Variants in KIFAP3 observed in about 807,000 individuals in gnomAD.
KIFAP3 encodes kinesin-associated protein 3.
KIFAP3 carries 68 observed loss-of-function variants against 106.5 expected under a neutral mutation model. That is an observed-to-expected ratio of 0.64 (90% confidence interval 0.53 to 0.78). The LOEUF (loss-of-function observed/expected upper bound fraction) is 0.78. Among genes scored for constraint, KIFAP3 ranks in the 30% least tolerant of loss-of-function variants. KIFAP3 has a pLI of 0.00. For synonymous variants in KIFAP3, 320 were observed against 311.5 expected, an observed-to-expected ratio of 1.03 and a Z score of -0.29; for missense variants, 780 against 941.8, an observed-to-expected ratio of 0.83 and a Z score of 2.25.
chr1:169,927,676 CAAGT>C (rs1021005684), intron 19 of KIFAP3, among the ~76,000 whole-genome samples: 27 of 152,156 alleles, frequency 1.8e-4, no homozygotes, highest in African/African-American at 6.0e-4. Flanking sequence ...TCTTAAAAGT[CAAGT>C]AAGATCTCAC....
intron 11 of KIFAP3, among the ~76,000 whole-genome samples, chr1:169,986,028 T>C (rs917180155): frequency 1.3e-5 from 2 of 151,904 alleles, no homozygotes; most frequent in African/African-American, 4.8e-5. Context: ...TAACAACAAA[T>C]AGAAGTTATT....
intron 19 of KIFAP3, among the ~76,000 whole-genome samples, chr1:169,933,873 T>A (rs1307567855): frequency 6.6e-6 from 1 of 152,142 alleles, no homozygotes; most frequent in African/African-American, 2.4e-5. Context: ...CTAGAATATC[T>A]GAATGGGATT....
In KIFAP3 at chr1:169,980,970, G is replaced by A. The variant is rs1335008788; in HGVS notation, c.1798+1002C>T. Reference sequence around the variant, plus strand: ...TACAAAATTAGCTGGGTGTGGTGGCGCATGCCTGTAATCCCAGCTACTCAG... The same window carrying A: ...TACAAAATTAGCTGGGTGTGGTGGCACATGCCTGTAATCCCAGCTACTCAG... On this transcript the variant is annotated intron_variant, in intron 15 of 19. Transcript: ENST00000361580. 5.9e-5 allele frequency among the ~76,000 whole-genome samples: 9 copies of A among 152,134 alleles called. No homozygotes were observed. In the South Asian group the frequency reaches 1.0e-3, roughly 18 times the overall value.
At chr1:170,055,238 T>C (rs1036310613) in intron 2 of KIFAP3, 67 bp downstream of exon 2, 1 of 1,391,760 alleles carries the variant, frequency 7.2e-7, no homozygotes, top group Non-Finnish European at 9.8e-7. Flanking sequence ...ATCAAAATAA[T>C]ATCAGATTTG....
intron 19 of KIFAP3, among the ~76,000 whole-genome samples, chr1:169,929,350 TATAA>T (rs1663330607): frequency 6.6e-6 from 1 of 152,186 alleles, no homozygotes; most frequent in Non-Finnish European, 1.5e-5. Flanking sequence ...GAAAAGAGGT[TATAA>T]GAAAAGATGC....
At chr1:170,063,401 A>C (rs1017817555) in intron 1 of KIFAP3, among the ~76,000 whole-genome samples, 1 of 152,212 alleles carries the variant, frequency 6.6e-6, no homozygotes, top group Non-Finnish European at 1.5e-5. Flanking sequence ...GAACTGACTC[A>C]GCACAAGAAG....
intron 10 of KIFAP3, 125 bp downstream of exon 10, chr1:170,016,337 T>C: frequency 1.5e-6 from 1 of 687,184 alleles, no homozygotes; most frequent in South Asian, 2.0e-5. Flanking sequence ...TTTTATTATT[T>C]AGTTTCCAGT....
intron 1 of KIFAP3, 146 bp downstream of exon 1, chr1:170,074,290 T>C: frequency 2.1e-6 from 2 of 969,492 alleles, no homozygotes; most frequent in Non-Finnish European, 1.6e-6. Flanking sequence ...CCACTTCACC[T>C]TTTCCCTCTC....
intron 3 of KIFAP3, among the ~76,000 whole-genome samples, chr1:170,041,179 A>G (rs1336652816): frequency 6.6e-6 from 1 of 152,208 alleles, no homozygotes; most frequent in Non-Finnish European, 1.5e-5. Context: ...ATATATTTTG[A>G]TCATCTATGT....
intron 1 of KIFAP3, among the ~76,000 whole-genome samples, chr1:170,069,978 T>C (rs943322287): frequency 5.9e-5 from 9 of 152,090 alleles, no homozygotes; most frequent in Non-Finnish European, 1.0e-4. Flanking sequence ...AGTTGGAGAA[T>C]AGATCAGAAC....
Position 169,972,548 on chromosome 1 carries a change from G to A in KIFAP3, c.1948C>T (p.Arg650Ter), listed in dbSNP as rs868823190. Residue 650 changes from arginine to a stop codon, truncating the protein, a stop_gained, in exon 17 of 20, where the codon CGA becomes TGA. Coordinates refer to ENST00000361580, the MANE Select transcript of KIFAP3 (RefSeq NM_014970.4). LOFTEE classifies it high-confidence loss of function. ...TCTAATGTATTATCACAGACCTTTC[G>A]GATTTCATTATTCTTATCATGCATT... is the stretch of plus-strand genomic sequence containing the variant. ...DLMHDKNNEIRKVCDNTLDII... is the reference protein window; with the variant it reads ...DLMHDKNNEI 1.3e-6 allele frequency: 2 copies of A among 1,564,762 alleles called. No individual in the cohort carries two copies. The highest frequency in any genetic ancestry group is 1.8e-6 in the Non-Finnish European group (2 of 1,139,516).
chr1:169,924,565 A>G (rs1018726265), intron 19 of KIFAP3, among the ~76,000 whole-genome samples: 4 of 152,130 alleles, frequency 2.6e-5, no homozygotes, highest in African/African-American at 9.7e-5. Flanking sequence ...AAAATCAACT[A>G]TATCTACATA....
At chr1:169,923,356 C>G (rs925334538) in intron 19 of KIFAP3, among the ~76,000 whole-genome samples, 8 of 152,108 alleles carry the variant, frequency 5.3e-5, no homozygotes, top group African/African-American at 1.9e-4. Context: ...TTAGTGGAAT[C>G]AGTGAACTAA....
chr1:169,941,164 T>C (rs1350513980), intron 19 of KIFAP3, among the ~76,000 whole-genome samples: 1 of 152,222 alleles, frequency 6.6e-6, no homozygotes, highest in Non-Finnish European at 1.5e-5. Flanking sequence ...TAAGTAGACA[T>C]AGGTCTATTT....
chr1:170,025,833 C>T (rs16862959), intron 8 of KIFAP3, among the ~76,000 whole-genome samples: 1 of 152,136 alleles, frequency 6.6e-6, no homozygotes, highest in South Asian at 2.1e-4. Context: ...ATTGAAAAAA[C>T]AAACAGACTT....
intron 2 of KIFAP3, among the ~76,000 whole-genome samples, chr1:170,050,566 G>C (rs887553426): frequency 1.1e-4 from 16 of 152,070 alleles, no homozygotes. Context: ...TTGAAACAAA[G>C]GAAAAAATGT....
intron 11 of KIFAP3, among the ~76,000 whole-genome samples, chr1:169,985,094 A>G (rs1050605480): frequency 6.6e-6 from 1 of 151,894 alleles, no homozygotes; most frequent in African/African-American, 2.4e-5. Flanking sequence ...TGAAAGGGAA[A>G]CAACAGTTTT....
chr1:170,038,289 C>A lies in KIFAP3; in HGVS notation c.517+1G>T. 1.9e-6 allele frequency: 3 copies of A among 1,588,398 alleles called. No homozygotes were observed. The highest frequency in any genetic ancestry group is 2.6e-6 in the Non-Finnish European group (3 of 1,173,160). On this transcript the variant is annotated splice_donor_variant, in intron 5 of 19. Coordinates refer to ENST00000361580, the MANE Select transcript of KIFAP3 (RefSeq NM_014970.4). LOFTEE classifies it high-confidence loss of function. ...AATTAAACATGTTTTATAGTAATCA[C>A]CATTCAATAGTAGTTCTTCCAAGTT...
At chr1:170,039,341 G>A (rs1275437168) in intron 3 of KIFAP3, 53 bp from the exon 4 acceptor site, 2 of 1,016,020 alleles carry the variant, frequency 2.0e-6, no homozygotes, top group East Asian at 4.9e-5. Flanking sequence ...GGGTTTCTAG[G>A]TAATTTTTAT....
Sources: allele counts gnomAD v4.1 joint callset (sites outside exome capture counted in the v4.1 genomes callset), GRCh38; gene constraint gnomAD v4.1.1; transcripts MANE v1.5; gene names NCBI Gene and HGNC (gene_info 2026-07-23, HGNC 2026-07-21).